WDFY3: variants seen among roughly 807,000 people sequenced by gnomAD.
WDFY3 encodes the protein WD repeat and FYVE domain containing 3, also known as WD repeat and FYVE domain-containing protein 3.
WDFY3 carries 66 observed loss-of-function variants against 409.6 expected under a neutral mutation model. The ratio of observed to expected loss-of-function variants is 0.16; its 90% CI spans 0.13 to 0.20. The LOEUF (loss-of-function observed/expected upper bound fraction) is 0.20, where lower values mean the gene tolerates loss of function less well. Ranked by LOEUF, WDFY3 falls within the 10% of genes least tolerant of loss-of-function variation. WDFY3 has a pLI of 1.00. For synonymous variants in WDFY3, 1,521 were observed against 1,537.1 expected (o/e 0.99, Z 0.25); for missense variants, 3,031 against 4,298.1 (o/e 0.71, Z 8.24).
intron 3 of WDFY3, among the ~76,000 whole-genome samples, chr4:84,895,665 G>C (rs1379495854): frequency 6.6e-6 from 1 of 152,190 alleles, no homozygotes; most frequent in Non-Finnish European, 1.5e-5. Context: ...TCTAAATATA[G>C]TGTGATATGT....
At chr4:84,896,405 C>T (rs1765645000) in intron 3 of WDFY3, among the ~76,000 whole-genome samples, 1 of 151,940 alleles carries the variant, frequency 6.6e-6, no homozygotes, top group Admixed American at 6.6e-5. Flanking sequence ...CAAGCAGAGA[C>T]CCTCAATTTC....
At chr4:84,953,565 T>TA (rs1178929947) in intron 1 of WDFY3, among the ~76,000 whole-genome samples, 2 of 152,046 alleles carry the variant, frequency 1.3e-5, no homozygotes, top group Admixed American at 6.5e-5. Flanking sequence ...TGTATTTTTT[T>TA]AAAAAAAGAA....
intron 67 of WDFY3, among the ~76,000 whole-genome samples, chr4:84,676,677 A>C (rs1271267946): frequency 6.6e-6 from 1 of 152,216 alleles, no homozygotes; most frequent in East Asian, 1.9e-4. Flanking sequence ...ACAGTAGTTA[A>C]AATGAATATA....
At chr4:84,876,298 C>T (rs1762773476) in intron 3 of WDFY3, among the ~76,000 whole-genome samples, 1 of 152,114 alleles carries the variant, frequency 6.6e-6, no homozygotes, top group Non-Finnish European at 1.5e-5. Context: ...TAGTCTGTTA[C>T]AGAATATTCA....
At position 84,803,332 on chromosome 4, in the gene WDFY3, C is replaced by A. The variant is rs761850626; in HGVS notation, c.2565G>T (p.Met855Ile). The change falls in exon 16 of 68, where the codon ATG (methionine) becomes ATT (isoleucine). Residue 855 changes from methionine to isoleucine, a missense_variant. Physicochemically the swap from Met to Ile is conservative, Grantham distance 10. This residue lies in a region of WDFY3 where 1,322 missense variants were observed against 1,697.9 expected (regional missense o/e 0.78). Coordinates refer to ENST00000295888, the MANE Select transcript of WDFY3 (RefSeq NM_014991.6). ...ACCCAACAGAGGCCAGTAGGTCCAG[C>A]ATGGCAAGCATGGCTCCAGGATGAA... ...VIIHPGAMLA[M>I]LDLLASVGSV... is the part of the protein sequence containing the mutation. 1 of 1,613,772 alleles carries A rather than the reference C, an allele frequency of 6.2e-7. No individual in the cohort carries two copies. The highest frequency in any genetic ancestry group is 8.5e-7 in the Non-Finnish European group (1 of 1,179,884).
intron 2 of WDFY3, among the ~76,000 whole-genome samples, chr4:84,923,248 T>C (rs1007544380): frequency 6.6e-6 from 1 of 152,182 alleles, no homozygotes; most frequent in Admixed American, 6.5e-5. Context: ...ATGCCCTTCC[T>C]ATACTACAAA....
intron 13 of WDFY3, among the ~76,000 whole-genome samples, chr4:84,815,281 C>T (rs1215911796): frequency 1.3e-5 from 2 of 152,114 alleles, no homozygotes; most frequent in Non-Finnish European, 2.9e-5. Context: ...ATCCTTCATT[C>T]AGATTCTTGA....
intron 2 of WDFY3, among the ~76,000 whole-genome samples, chr4:84,924,083 T>TA (rs1457635405): frequency 2.0e-5 from 3 of 152,222 alleles, no homozygotes; most frequent in African/African-American, 7.2e-5. Flanking sequence ...ACTCAGGCTA[T>TA]AAATACACAC....
intron 30 of WDFY3, among the ~76,000 whole-genome samples, chr4:84,770,633 T>C (rs928189925): frequency 6.6e-6 from 1 of 152,204 alleles, no homozygotes; most frequent in Non-Finnish European, 1.5e-5. Context: ...TTAATCATTA[T>C]GGATACTTCA....
intron 12 of WDFY3, among the ~76,000 whole-genome samples, chr4:84,818,498 A>G (rs1753635040): frequency 6.6e-6 from 1 of 152,170 alleles, no homozygotes; most frequent in Non-Finnish European, 1.5e-5. Context: ...AACGTTTACT[A>G]AAACAGTGTA....
intron 53 of WDFY3, among the ~76,000 whole-genome samples, chr4:84,707,856 G>A (rs943761013): frequency 2.0e-5 from 3 of 152,078 alleles, no homozygotes; most frequent in African/African-American, 4.8e-5. Context: ...ATGAACTAAC[G>A]TACACCCATG....
At chr4:84,881,276 T>G (rs1427001544) in intron 3 of WDFY3, among the ~76,000 whole-genome samples, 1 of 152,102 alleles carries the variant, frequency 6.6e-6, no homozygotes, top group African/African-American at 2.4e-5. Context: ...GGTTATTTGA[T>G]AGCAAATAAC....
intron 3 of WDFY3, among the ~76,000 whole-genome samples, chr4:84,896,066 G>A (rs1159662709): frequency 1.3e-5 from 2 of 151,942 alleles, no homozygotes; most frequent in Non-Finnish European, 2.9e-5. Context: ...GACCATCCTG[G>A]CCAACATGGT....
At chr4:84,722,549 A>G (rs1342017070) in intron 46 of WDFY3, among the ~76,000 whole-genome samples, 1 of 152,190 alleles carries the variant, frequency 6.6e-6, no homozygotes, top group African/African-American at 2.4e-5. Context: ...TTTATAATAC[A>G]AGGACATATA....
Position 84,896,995 on chromosome 4 carries a change from G to A in WDFY3, c.-116C>T, listed in dbSNP as rs1765723865. 6.6e-6 allele frequency: 1 copy of A among 152,166 alleles called. No homozygotes were observed. The highest frequency in any genetic ancestry group is 1.5e-5 in the Non-Finnish European group (1 of 68,018). The allele number at this position is 152,166 out of a possible 1,614,324, so 9.4% of individuals were successfully genotyped here. On this transcript the variant is annotated 5_prime_UTR_variant, in exon 3 of 68. Coordinates refer to ENST00000295888, the MANE Select transcript of WDFY3 (RefSeq NM_014991.6). ...CTTGAAGGTATTTTACTCAAAACTT[G>A]AAATCTGGGCTCCAGCTAGAAAGAG...
Position 84,821,471 on chromosome 4 carries a change from TTTG to T in WDFY3, c.1201_1203del (p.Gln401del). 1 of 1,613,866 alleles carries T rather than the reference TTTG, an allele frequency of 6.2e-7. No individual in the cohort carries two copies. The highest frequency in any genetic ancestry group is 1.7e-5 in the Admixed American group (1 of 59,970). ...ATATTTGTGATAGCATCAAGGATGA[TTTG>T]GGCAAGGAAGCTGGTTTTTGCTTTT... On this transcript the variant is annotated inframe_deletion, in exon 11 of 68. Transcript: ENST00000295888.
intron 30 of WDFY3, among the ~76,000 whole-genome samples, chr4:84,767,316 C>T (rs1306546867): frequency 2.0e-5 from 3 of 152,046 alleles, no homozygotes; most frequent in Non-Finnish European, 2.9e-5. Context: ...TTGACAGCTC[C>T]GACTGGCCAT....
At chr4:84,844,681 TTA>T (rs1423198784) in intron 5 of WDFY3, among the ~76,000 whole-genome samples, 1 of 152,180 alleles carries the variant, frequency 6.6e-6, no homozygotes, top group African/African-American at 2.4e-5. Context: ...TAGAAAAACA[TTA>T]ATAATAAACT....
intron 3 of WDFY3, among the ~76,000 whole-genome samples, chr4:84,894,776 A>G (rs1302250916): frequency 6.6e-6 from 1 of 150,650 alleles, no homozygotes; most frequent in African/African-American, 2.4e-5. Flanking sequence ...ACAAAGCGAG[A>G]CTCAGTCTGA....
Sources: gnomAD v4.1 joint callset for allele counts (sites outside exome capture counted in the v4.1 genomes callset) on GRCh38, gnomAD v4.1.1 for gene constraint, gnomAD v4.1.1 regional missense constraint, MANE v1.5 for transcripts, NCBI Gene and HGNC (gene_info 2026-07-23, HGNC 2026-07-21) for gene names.